The following CELF2 variants were observed in gnomAD, a reference collection of about 807,000 sequenced individuals.
The protein encoded by CELF2 is CUG triplet repeat RNA-binding protein 2.
CELF2 carries 8 observed loss-of-function variants against 62.6 expected under a neutral mutation model. The observed-to-expected ratio is 0.13, with a 90% CI of 0.07 to 0.23. The LOEUF (loss-of-function observed/expected upper bound fraction) is 0.23, where lower values mean the gene tolerates loss of function less well. Among genes scored for constraint, CELF2 ranks in the 10% least tolerant of loss-of-function variants. The probability of loss-of-function intolerance (pLI) is 1.00; values close to 1 mark genes in which losing one functional copy is unlikely to be tolerated. For synonymous variants in CELF2, 258 were observed against 250.0 expected, an observed-to-expected ratio of 1.03 and a Z score of -0.30; for missense variants, 333 against 671.0, an observed-to-expected ratio of 0.50 and a Z score of 5.56.
chr10:11,288,681 T>C, intron 9 of CELF2, 129 bp downstream of exon 9: 5 of 973,200 alleles, frequency 5.1e-6, no homozygotes, highest in Admixed American at 3.1e-5. Flanking sequence ...ACTGGGCTGC[T>C]TTATGTCATT....
At chr10:11,055,427 TG>T (rs751536930) in intron 1 of CELF2, among the ~76,000 whole-genome samples, 2 of 152,220 alleles carry the variant, frequency 1.3e-5, no homozygotes, top group Admixed American at 6.5e-5. Flanking sequence ...GGGAACTATT[TG>T]GCTGACCGAG....
At chr10:10,831,948 G>A (rs1473237586) in intron 1 of CELF2, among the ~76,000 whole-genome samples, 2 of 151,824 alleles carry the variant, frequency 1.3e-5, no homozygotes, top group African/African-American at 4.8e-5. Flanking sequence ...CTCCAGCCTG[G>A]GTGACAGAGC....
chr10:10,797,272 A>C (rs549158239), upstream of CELF2, among the ~76,000 whole-genome samples: 75 of 152,214 alleles, frequency 4.9e-4, 1 homozygote, highest in South Asian at 0.013. Flanking sequence ...GGACATGACA[A>C]AGCACTGAAT....
chr10:11,207,281 GAAAA>G lies in CELF2; in HGVS notation c.272-10143_272-10140del, dbSNP rs1438755902. Among the ~76,000 whole-genome samples the G allele has an allele frequency of 6.6e-6, 1 of 152,178 alleles. No individual in the cohort carries two copies. The highest frequency in any genetic ancestry group is 1.5e-5 in the Non-Finnish European group (1 of 68,030). ...AGAAAGAAACTCCATTTTCCTCGCA[GAAAA>G]CAGGGAGCTTGCTAGTCTTCACGGG... On this transcript the variant is annotated intron_variant, in intron 2 of 12. Coordinates refer to ENST00000633077, the MANE Select transcript of CELF2 (RefSeq NM_001326342.2). This position sits in a 1 kb window ranked among gnomAD's most constrained non-coding sequence, Gnocchi z 4.1.
At chr10:10,578,554 G>A in the CELF2 span, among the ~76,000 whole-genome samples, 1 of 151,920 alleles carries the variant, frequency 6.6e-6, no homozygotes, top group Non-Finnish European at 1.5e-5. Context: ...GCTTTCATGA[G>A]GTCCTCTGTT....
At chr10:10,919,623 A>C (rs1162155432) in intron 1 of CELF2, among the ~76,000 whole-genome samples, 2 of 152,188 alleles carry the variant, frequency 1.3e-5, no homozygotes, top group Non-Finnish European at 2.9e-5. Context: ...TTAACATGTA[A>C]ATGTCTACAA....
In CELF2 at chr10:11,290,812, C is replaced by T. The variant is rs1358846795; in HGVS notation, c.976+2260C>T. On this transcript the variant is annotated intron_variant, in intron 9 of 12. Coordinates refer to ENST00000633077, the MANE Select transcript of CELF2 (RefSeq NM_001326342.2). The surrounding 1 kb of genome is among the most constrained non-coding windows in gnomAD (Gnocchi z 4.3). ...CTCTTCTCTACTGAGGAATGCTTTG[C>T]ATAATAACTGAAAGTATTTTATTAG... Among the ~76,000 whole-genome samples, 1 of 152,202 alleles carries T rather than the reference C, an allele frequency of 6.6e-6. No individual in the cohort carries two copies. The highest frequency in any genetic ancestry group is 1.5e-5 in the Non-Finnish European group (1 of 68,040).
the CELF2 span, among the ~76,000 whole-genome samples, chr10:10,765,935 C>G: frequency 1.3e-5 from 2 of 152,162 alleles, no homozygotes; most frequent in South Asian, 4.1e-4. Context: ...GGCACAAGCA[C>G]ACTGGGCCAG....
At chr10:10,935,828 T>C (rs955557408) in intron 2 of CELF2, among the ~76,000 whole-genome samples, 2 of 152,152 alleles carry the variant, frequency 1.3e-5, no homozygotes, top group Non-Finnish European at 1.5e-5. Flanking sequence ...CCTTCTCTGA[T>C]ATGCATGTGC....
the CELF2 span, among the ~76,000 whole-genome samples, chr10:10,536,568 GT>G: frequency 6.6e-6 from 1 of 152,268 alleles, no homozygotes; most frequent in East Asian, 1.9e-4. Flanking sequence ...AGACCTTATA[GT>G]TGTATTTAAC....
intron 2 of CELF2, among the ~76,000 whole-genome samples, chr10:11,194,365 A>G (rs2056850256): frequency 6.6e-6 from 1 of 152,138 alleles, no homozygotes; most frequent in Non-Finnish European, 1.5e-5. Flanking sequence ...CACCCAGCCT[A>G]TTTTTACTTT....
chr10:10,753,474 A>G, the CELF2 span, among the ~76,000 whole-genome samples: 1 of 152,196 alleles, frequency 6.6e-6, no homozygotes, highest in South Asian at 2.1e-4. Context: ...TAAAAGGAGA[A>G]TATCCTCTTT....
In CELF2 at chr10:11,110,273, T is replaced by TA. The variant is rs561974036; in HGVS notation, c.75-55202dup. ...TGGGCGACAGAGCAAGACCATGTCT[T>TA]AAAAAAAAAAATCTGCTTTTTGTTC... On this transcript the variant is annotated intron_variant, in intron 1 of 12. Transcript: ENST00000633077. The surrounding 1 kb of genome is among the most constrained non-coding windows in gnomAD (Gnocchi z 4.0). Among the ~76,000 whole-genome samples the TA allele has an allele frequency of 0.018, 2,673 of 148,468 alleles. 52 individuals carry two copies. Among genetic ancestry groups the TA allele is most frequent in the Admixed American group, 0.05 (749 of 14,928 alleles).
intron 9 of CELF2, among the ~76,000 whole-genome samples, chr10:11,292,899 A>G (rs1325528609): frequency 6.6e-6 from 1 of 152,114 alleles, no homozygotes; most frequent in Non-Finnish European, 1.5e-5. Flanking sequence ...TTTCCCTCCC[A>G]GGCAACAGGA....
chr10:11,323,884 C>A (rs1209906090), intron 11 of CELF2, among the ~76,000 whole-genome samples: 2 of 151,738 alleles, frequency 1.3e-5, no homozygotes, highest in Non-Finnish European at 2.9e-5. Context: ...ATCTCAGCCA[C>A]CTTAGTTGCA....
the CELF2 span, among the ~76,000 whole-genome samples, chr10:10,579,256 C>A: frequency 6.6e-6 from 1 of 152,152 alleles, no homozygotes; most frequent in African/African-American, 2.4e-5. Flanking sequence ...TATGGATTTG[C>A]ATCTTGGAGT....
chr10:10,562,194 C>T, the CELF2 span, among the ~76,000 whole-genome samples: 1 of 152,170 alleles, frequency 6.6e-6, no homozygotes, highest in African/African-American at 2.4e-5. Context: ...GAAAACAACA[C>T]ACACACCCTC....
chr10:10,545,993 A>G, the CELF2 span, among the ~76,000 whole-genome samples: 1 of 152,202 alleles, frequency 6.6e-6, no homozygotes, highest in African/African-American at 2.4e-5. Flanking sequence ...AAAGGGAACA[A>G]TCAGGAGAGA....
rs2074972870 is a variant in CELF2 at position 11,244,405 on chromosome 10, G to C, written c.355-4748G>C. On this transcript the variant is annotated intron_variant, in intron 3 of 12. Transcript: ENST00000633077. This position sits in a 1 kb window ranked among gnomAD's most constrained non-coding sequence, Gnocchi z 4.2. ...GTGGTGGCTCACGCCTATAATCCCA[G>C]CACTTTGGGAGGCCGAGGTGGGTGG... Among the ~76,000 whole-genome samples the C allele has an allele frequency of 6.6e-6, 1 of 152,200 alleles. No individual in the cohort carries two copies. The highest frequency in any genetic ancestry group is 2.4e-5 in the African/African-American group (1 of 41,450).
Sources: gnomAD v4.1 joint callset for allele counts (sites outside exome capture counted in the v4.1 genomes callset) on GRCh38, gnomAD v4.1.1 for gene constraint, Gnocchi (gnomAD v3.1) non-coding constraint, MANE v1.5 for transcripts, NCBI Gene and HGNC (gene_info 2026-07-23, HGNC 2026-07-21) for gene names.